The following RSRC2 variants were observed in gnomAD, a reference collection of about 807,000 sequenced individuals.
RSRC2 encodes the protein arginine and serine rich coiled-coil 2, also known as arginine/serine-rich coiled-coil protein 2.
Under a neutral mutation model 61.3 loss-of-function variants are expected in RSRC2, and 5 were observed. The ratio of observed to expected loss-of-function variants is 0.08; its 90% CI spans 0.04 to 0.17. The LOEUF (loss-of-function observed/expected upper bound fraction) is 0.17. RSRC2 is among the 10% of genes least tolerant of loss of function. The pLI is 1.00. For missense variants in RSRC2, 381 were observed against 518.8 expected, an observed-to-expected ratio of 0.73 and a Z score of 2.58; for synonymous variants, 202 against 166.5, an observed-to-expected ratio of 1.21 and a Z score of -1.64.
rs1041617797 is a variant in RSRC2 at position 122,506,701 on chromosome 12, T to C, written c.1125+133A>G. ...TTTCAGAATGGGATTGCTTGTTATTTCACAAAAGGTGGTGGGAAAGAACTC... is the reference window on the plus strand; with the variant it reads ...TTTCAGAATGGGATTGCTTGTTATTCCACAAAAGGTGGTGGGAAAGAACTC... On this transcript the variant is annotated intron_variant, in intron 9 of 9. Coordinates refer to ENST00000331738, the MANE Select transcript of RSRC2 (RefSeq NM_023012.6). 2.3e-5 allele frequency: 15 copies of C among 661,564 alleles called. No individual in the cohort carries two copies. In the African/African-American group the frequency reaches 2.4e-4, roughly 10 times the overall value. The allele number at this position is 661,564 out of a possible 1,614,324, so 41.0% of individuals were successfully genotyped here. A position where few individuals can be genotyped will look rare whatever the true frequency, so the allele number is the denominator to read the frequency against.
At chr12:122,519,695 A>G (rs1959169727) in intron 3 of RSRC2, 1 of 152,494 alleles carries the variant, frequency 6.6e-6, no homozygotes, top group African/African-American at 2.4e-5. Flanking sequence ...GTATGTTTCA[A>G]TTTTAAAGAA....
At chr12:122,524,078 G>A (rs1959672105) in intron 1 of RSRC2, among the ~76,000 whole-genome samples, 1 of 152,074 alleles carries the variant, frequency 6.6e-6, no homozygotes, top group African/African-American at 2.4e-5. Context: ...ATGCTGAAAG[G>A]TTTTCACCCC....
At chr12:122,516,936 G>C (rs925767143) in intron 5 of RSRC2, among the ~76,000 whole-genome samples, 1 of 152,078 alleles carries the variant, frequency 6.6e-6, no homozygotes, top group East Asian at 1.9e-4. Context: ...CAAAAAATCT[G>C]CTCGCCTCGT....
rs201991832 is a variant in RSRC2 at position 122,523,726 on chromosome 12, T to C, written c.7-1427A>G. On this transcript the variant is annotated intron_variant, in intron 1 of 9. Coordinates refer to ENST00000331738, the MANE Select transcript of RSRC2 (RefSeq NM_023012.6). ...ATATCAAGTACAATAAATGGGGGTA[T>C]TGTATTTTAACAAATTTTAAACAAG... The C allele has an allele frequency of 8.5e-5, 13 of 152,352 alleles. No individual in the cohort carries two copies. The East Asian group carries it at 2.1e-3, about 25-fold the overall frequency. The allele number at this position is 152,352 out of a possible 1,614,324, so 9.4% of individuals were successfully genotyped here.
chr12:122,515,071 G>T, intron 6 of RSRC2, 34 bp downstream of exon 6: 1 of 1,599,816 alleles, frequency 6.3e-7, no homozygotes, highest in South Asian at 1.1e-5. Context: ...ATTTAAAGGC[G>T]AACTGGAACA....
At chr12:122,510,603 T>TG (rs1958433385) in intron 7 of RSRC2, among the ~76,000 whole-genome samples, 1 of 152,138 alleles carries the variant, frequency 6.6e-6, no homozygotes, top group Non-Finnish European at 1.5e-5. Context: ...TCAACAAAAA[T>TG]TATCCACATG....
At position 122,514,194 on chromosome 12, in the gene RSRC2, T is replaced by C. The variant is rs367976144; in HGVS notation, c.725+911A>G. Among the ~76,000 whole-genome samples the C allele has an allele frequency of 2.0e-5, 3 of 152,256 alleles. No individual in the cohort carries two copies. In the East Asian group the frequency reaches 5.8e-4, roughly 29 times the overall value. On this transcript the variant is annotated intron_variant, in intron 6 of 9. Transcript: ENST00000331738. The stretch of plus-strand genomic sequence containing the variant: ...TAGTTTTGCAGATTTCAATATATAG[T>C]CGTGCTGTGTGTGGTTTCACCATTA...
Position 122,513,674 on chromosome 12 carries a change from C to A in RSRC2, c.725+1431G>T, listed in dbSNP as rs943519150. ...CCATACTAGTTTCAGAAAGAAGATA[C>A]GTGTGACTACAACTGGTTGCATTAA... On this transcript the variant is annotated intron_variant, in intron 6 of 9. Transcript: ENST00000331738. 19 of 360,942 alleles carry A rather than the reference C, an allele frequency of 5.3e-5. 1 individual carries two copies. Among genetic ancestry groups the A allele is most frequent in the African/African-American group, 3.8e-4 (17 of 45,124 alleles). The allele number at this position is 360,942 out of a possible 1,614,324, so 22.4% of individuals were successfully genotyped here. A position where few individuals can be genotyped will look rare whatever the true frequency, so the allele number is the denominator to read the frequency against.
At chr12:122,510,268 A>G (rs1470266151) in intron 7 of RSRC2, among the ~76,000 whole-genome samples, 1 of 152,162 alleles carries the variant, frequency 6.6e-6, no homozygotes, top group Non-Finnish European at 1.5e-5. Context: ...GTGGTGGCTC[A>G]TGCCTGTAAT....
intron 7 of RSRC2, among the ~76,000 whole-genome samples, chr12:122,508,710 A>G (rs1400483793): frequency 6.6e-6 from 1 of 152,080 alleles, no homozygotes; most frequent in East Asian, 1.9e-4. Flanking sequence ...TAATCCCAGC[A>G]CTTTGGGAGG....
Position 122,507,064 on chromosome 12 carries a change from A to T in RSRC2, c.1036-141T>A, listed in dbSNP as rs752339790. On this transcript the variant is annotated intron_variant, in intron 8 of 9. Transcript: ENST00000331738. ...TGTAAGTTTAATTATTTCAAGACTTAAGAAACCACAAAGCAAAGAAATACA... is the reference window on the plus strand; with the variant it reads ...TGTAAGTTTAATTATTTCAAGACTTTAGAAACCACAAAGCAAAGAAATACA... 8.9e-6 allele frequency: 6 copies of T among 671,192 alleles called. No homozygotes were observed. In the South Asian group the frequency reaches 9.7e-5, roughly 11 times the overall value. The allele number at this position is 671,192 out of a possible 1,614,324, so 41.6% of individuals were successfully genotyped here.
intron 8 of RSRC2, among the ~76,000 whole-genome samples, chr12:122,507,475 TTAATGTCATTTGTCATTGCAAA>T (rs376711726): frequency 8.1e-4 from 123 of 151,588 alleles, no homozygotes; most frequent in African/African-American, 2.8e-3. Context: ...TCATTTGCAT[TTAATGTCATTTGTCATTGCAAA>T]TAATGTCAAA....
chr12:122,510,984 G>C, intron 7 of RSRC2, 125 bp downstream of exon 7: 1 of 654,750 alleles, frequency 1.5e-6, no homozygotes, highest in Non-Finnish European at 2.6e-6. Flanking sequence ...GGGAGTTTGA[G>C]GCTACCATGC....
intron 9 of RSRC2, chr12:122,506,506 AG>A (rs1467831965): frequency 9.4e-6 from 2 of 212,544 alleles, no homozygotes; most frequent in African/African-American, 4.6e-5. Flanking sequence ...GGGCTTTGAG[AG>A]GCCGAGGTGG....
chr12:122,508,154 T>C (rs767957936), intron 8 of RSRC2, 64 bp downstream of exon 8: 18 of 1,419,568 alleles, frequency 1.3e-5, no homozygotes, highest in Middle Eastern at 3.8e-4. Context: ...TCAACCCAAA[T>C]TTGTTTTTCT....
chr12:122,524,632 T>TG (rs1212220141), intron 1 of RSRC2, among the ~76,000 whole-genome samples: 1 of 152,140 alleles, frequency 6.6e-6, no homozygotes, highest in Non-Finnish European at 1.5e-5. Flanking sequence ...ATCTGTAAAA[T>TG]ATACTACAGA....
intron 1 of RSRC2, among the ~76,000 whole-genome samples, chr12:122,524,641 G>C (rs1235645003): frequency 6.6e-6 from 1 of 152,022 alleles, no homozygotes; most frequent in Non-Finnish European, 1.5e-5. Context: ...ATATACTACA[G>C]AGCAACAACA....
At position 122,525,799 on chromosome 12, in the gene RSRC2, GA is replaced by G. The variant is rs1371206996; in HGVS notation, c.6+1048del. ...CTGTAGCTCCTCTGGGGTCAACGAA[GA>G]GTTTTTTTTTTTTTTTTTTTTTTTT... On this transcript the variant is annotated intron_variant, in intron 1 of 9. Coordinates refer to ENST00000331738, the MANE Select transcript of RSRC2 (RefSeq NM_023012.6). Among the ~76,000 whole-genome samples, 5 of 35,550 alleles carry G rather than the reference GA, an allele frequency of 1.4e-4. 2 individuals carry two copies. The highest frequency in any genetic ancestry group is 1.3e-3 in the African/African-American group (5 of 3,958). 23.3% of individuals were successfully genotyped at this position (35,550 alleles called of 152,430 possible). A position where few individuals can be genotyped will look rare whatever the true frequency, so the allele number is the denominator to read the frequency against.
intron 4 of RSRC2, among the ~76,000 whole-genome samples, chr12:122,517,694 TTTAA>T (rs1469251012): frequency 6.6e-6 from 1 of 152,116 alleles, no homozygotes; most frequent in Non-Finnish European, 1.5e-5. Flanking sequence ...TAAGCTTCCG[TTTAA>T]TACTCTTCCC....
Sources: gnomAD v4.1 joint callset for allele counts (sites outside exome capture counted in the v4.1 genomes callset) on GRCh38, gnomAD v4.1.1 for gene constraint, MANE v1.5 for transcripts, NCBI Gene and HGNC (gene_info 2026-07-23, HGNC 2026-07-21) for gene names.